Variants in FAIM observed in about 807,000 individuals in gnomAD.
The protein encoded by FAIM is fas apoptotic inhibitory molecule 1.
FAIM carries 14 observed loss-of-function variants against 21.2 expected under a neutral mutation model. The ratio of observed to expected loss-of-function variants is 0.66; its 90% CI spans 0.44 to 1.03. The LOEUF is 1.03. FAIM is among the 50% of genes least tolerant of loss of function. The pLI is 0.00. For missense variants in FAIM, 222 were observed against 247.1 expected (o/e 0.90, Z 0.68); for synonymous variants, 86 against 80.4 (o/e 1.07, Z -0.37).
At chr3:138,625,217 C>A (rs1352516641) in intron 4 of FAIM, among the ~76,000 whole-genome samples, 1 of 152,120 alleles carries the variant, frequency 6.6e-6, no homozygotes, top group Non-Finnish European at 1.5e-5. Flanking sequence ...AATCCCAGCA[C>A]TGTGGGAGGC....
intron 2 of FAIM, 67 bp from the exon 3 acceptor site, chr3:138,621,340 G>C: frequency 6.7e-7 from 1 of 1,486,448 alleles, no homozygotes; most frequent in Non-Finnish European, 9.3e-7. Context: ...TTTTCATCTT[G>C]GAAGGATTAA....
chr3:138,628,466 T>A (rs1375774606), intron 4 of FAIM, among the ~76,000 whole-genome samples: 1 of 113,308 alleles, frequency 8.8e-6, no homozygotes, highest in East Asian at 2.1e-4. Flanking sequence ...ATCCTTCTTT[T>A]TTATTTATTT....
intron 1 of FAIM, among the ~76,000 whole-genome samples, chr3:138,612,819 T>C (rs2042784898): frequency 6.6e-6 from 1 of 152,220 alleles, no homozygotes; most frequent in Non-Finnish European, 1.5e-5. Flanking sequence ...GATTCCAGTT[T>C]TTCCACATCC....
In FAIM at chr3:138,608,828, C is replaced by A. The variant is rs2042717364; in HGVS notation, c.-126C>A. 6.6e-6 allele frequency: 1 copy of A among 152,362 alleles called. No individual in the cohort carries two copies. The highest frequency in any genetic ancestry group is 2.4e-5 in the African/African-American group (1 of 41,472). 9.4% of individuals were successfully genotyped at this position (152,362 alleles called of 1,614,324 possible). ...CTTTCAACCTCCGCGCCGGCTGCGC[C>A]TGTTTCTCGGCCAGGGGAGCAAGGC... On this transcript the variant is annotated 5_prime_UTR_variant, in exon 1 of 6. The change creates a new upstream start codon in the 5' untranslated region. Transcript: ENST00000360570.
chr3:138,615,612 T>G (rs1300482392), intron 1 of FAIM, among the ~76,000 whole-genome samples: 1 of 152,200 alleles, frequency 6.6e-6, no homozygotes, highest in Non-Finnish European at 1.5e-5. Flanking sequence ...AAATCTCTAT[T>G]TTATTTCATG....
At chr3:138,610,706 C>T (rs1577003248) in intron 1 of FAIM, 3 of 305,706 alleles carry the variant, frequency 9.8e-6, no homozygotes, top group Non-Finnish European at 6.1e-6. Context: ...CCTCAGCCTC[C>T]GGAGTAGCTG....
chr3:138,612,298 T>C (rs912291248), intron 1 of FAIM, among the ~76,000 whole-genome samples: 1 of 152,094 alleles, frequency 6.6e-6, no homozygotes, highest in Non-Finnish European at 1.5e-5. Flanking sequence ...AGACGGGGTT[T>C]CACCGTGTTA....
At chr3:138,622,443 T>A (rs2042898164) in intron 4 of FAIM, 27 bp downstream of exon 4, 5 of 68,066 alleles carry the variant, frequency 7.3e-5, no homozygotes, top group Non-Finnish European at 1.5e-4. Flanking sequence ...TCCGCAGAAC[T>A]TTTTTTTTTT....
chr3:138,621,756 G>T (rs553006777), intron 3 of FAIM, among the ~76,000 whole-genome samples: 10 of 152,046 alleles, frequency 6.6e-5, no homozygotes, highest in Middle Eastern at 3.4e-3. Flanking sequence ...TAAAACCTTG[G>T]CATCATAAAT....
chr3:138,629,288 A>C, intron 5 of FAIM, 132 bp downstream of exon 5: 1 of 646,612 alleles, frequency 1.5e-6, no homozygotes, highest in Non-Finnish European at 2.6e-6. Flanking sequence ...GGGATTAAGT[A>C]CTCCTGACTT....
intron 5 of FAIM, 130 bp downstream of exon 5, chr3:138,629,286 G>C: frequency 1.5e-6 from 1 of 680,916 alleles, no homozygotes; most frequent in South Asian, 2.0e-5. Flanking sequence ...AAGGGATTAA[G>C]TACTCCTGAC....
chr3:138,619,346 C>G (rs560411052), intron 1 of FAIM, among the ~76,000 whole-genome samples: 2 of 152,318 alleles, frequency 1.3e-5, no homozygotes, highest in African/African-American at 4.8e-5. Flanking sequence ...GGGCTTCTTA[C>G]GCTTCAACTT....
At chr3:138,613,572 C>T (rs1224311889) in intron 1 of FAIM, among the ~76,000 whole-genome samples, 1 of 152,120 alleles carries the variant, frequency 6.6e-6, no homozygotes, top group African/African-American at 2.4e-5. Context: ...CAGCCTTGAC[C>T]TCTCAGGCTT....
chr3:138,615,889 T>C (rs910901291), intron 1 of FAIM, among the ~76,000 whole-genome samples: 1 of 152,230 alleles, frequency 6.6e-6, no homozygotes, highest in African/African-American at 2.4e-5. Flanking sequence ...ACTGCTGGGA[T>C]AGGTGATAGA....
At chr3:138,622,439 G>T (rs878871039) in intron 4 of FAIM, 23 bp downstream of exon 4, 12 of 1,361,516 alleles carry the variant, frequency 8.8e-6, no homozygotes, top group South Asian at 2.7e-5. Context: ...TGTTTCCGCA[G>T]AACTTTTTTT....
rs773089552 is a variant in FAIM, at chr3:138,622,314, G to A, written c.304G>A (p.Glu102Lys). ...TGGTTTTGCTTATGAATATACTCTG[G>A]AAATTAATGGGAAAAGTCTCAAGAA... The part of the protein sequence containing the change: ...ISGFAYEYTL[E>K]INGKSLKKYM... The change falls in exon 4 of 6, where the codon GAA (glutamate) becomes AAA (lysine). Residue 102 changes from glutamate (E) to lysine (K), a missense_variant. By Grantham distance (56) the Glu-to-Lys change is moderately conservative. Transcript: ENST00000360570. The A allele has an allele frequency of 1.2e-6, 2 of 1,613,926 alleles. No homozygotes were observed. Among genetic ancestry groups the A allele is most frequent in the Middle Eastern group, 1.7e-4 (1 of 6,060 alleles).
chr3:138,619,701 T>C lies in FAIM; in HGVS notation c.-16-10T>C. 1.9e-6 allele frequency: 3 copies of C among 1,610,914 alleles called. No homozygotes were observed. The highest frequency in any genetic ancestry group is 2.5e-6 in the Non-Finnish European group (3 of 1,179,116). ...GCTTTTTTCTTTCCTGGCTGCTAATTGGATTAAAGACTGTTTTTGCCAACC... is the reference window on the plus strand; with the variant it reads ...GCTTTTTTCTTTCCTGGCTGCTAATCGGATTAAAGACTGTTTTTGCCAACC... On this transcript the variant is annotated splice_polypyrimidine_tract_variant and intron_variant, in intron 1 of 5. Coordinates refer to ENST00000360570, the MANE Select transcript of FAIM (RefSeq NM_001033031.2).
chr3:138,609,533 A>ACACTC (rs1285258999), intron 1 of FAIM, among the ~76,000 whole-genome samples: 1 of 3,368 alleles, frequency 3.0e-4, no homozygotes, highest in Non-Finnish European at 6.2e-4. Flanking sequence ...AAGTGCTGAA[A>ACACTC]CTCTCTCTCT....
At chr3:138,611,757 G>A (rs1163775382) in intron 1 of FAIM, among the ~76,000 whole-genome samples, 1 of 152,084 alleles carries the variant, frequency 6.6e-6, no homozygotes, top group Admixed American at 6.6e-5. Flanking sequence ...GTACCTCCCC[G>A]CTGTCTCTCC....
Sources: gnomAD v4.1 joint callset for allele counts (sites outside exome capture counted in the v4.1 genomes callset) on GRCh38, gnomAD v4.1.1 for gene constraint, MANE v1.5 for transcripts, NCBI Gene and HGNC (gene_info 2026-07-23, HGNC 2026-07-21) for gene names.